The following SLX4IP variants were observed in gnomAD, a reference collection of about 807,000 sequenced individuals.
SLX4IP encodes the protein protein SLX4IP.
In SLX4IP, 34 loss-of-function variants were observed where a neutral mutation model predicts 32.9. That is an observed-to-expected ratio of 1.03 (90% CI 0.79 to 1.38). The LOEUF (loss-of-function observed/expected upper bound fraction) is 1.38, where lower values mean the gene tolerates loss of function less well. Among genes scored for constraint, SLX4IP ranks in the 40% most tolerant of loss-of-function variants. The probability of loss-of-function intolerance (pLI) is 0.00; values close to 1 mark genes in which losing one functional copy is unlikely to be tolerated. For missense variants in SLX4IP, 444 were observed against 479.0 expected (o/e 0.93, Z 0.68); for synonymous variants, 172 against 171.7 (o/e 1.00, Z -0.01).
intron 2 of SLX4IP, among the ~76,000 whole-genome samples, chr20:10,531,832 G>A (rs1271882173): frequency 6.6e-6 from 1 of 152,184 alleles, no homozygotes; most frequent in African/African-American, 2.4e-5. Flanking sequence ...AGAACAGCAG[G>A]TACCAAGCCT....
In SLX4IP at chr20:10,601,788, G is replaced by A. The variant is rs766026223; in HGVS notation, c.374G>A (p.Arg125His). ...TGTGTCAGTCAGCTTGCATTCAGTC[G>A]TGATCTTTTAGCAAGTCAGAATGAA... ...VVCVSQLAFS[R>H]DLLASQNEDL... Residue 125 changes from arginine (R) to histidine (H), a missense_variant, in exon 6 of 8, where the codon CGT (arginine) becomes CAT (histidine). Transcript: ENST00000334534. The A allele has an allele frequency of 3.0e-5, 49 of 1,613,758 alleles. No homozygotes were observed. The highest frequency in any genetic ancestry group is 4.4e-5 in the South Asian group (4 of 91,088).
intron 2 of SLX4IP, among the ~76,000 whole-genome samples, chr20:10,495,833 C>T (rs2065662656): frequency 6.6e-6 from 1 of 151,214 alleles, no homozygotes; most frequent in Non-Finnish European, 1.5e-5. Flanking sequence ...AAAACATTTA[C>T]TTTTCAAGCC....
At chr20:10,581,060 T>C (rs2066581209) in intron 4 of SLX4IP, among the ~76,000 whole-genome samples, 1 of 152,130 alleles carries the variant, frequency 6.6e-6, no homozygotes. Context: ...AAAGCCTTTT[T>C]CCAGAAAAGC....
chr20:10,462,869 G>A (rs1456209562), intron 2 of SLX4IP, among the ~76,000 whole-genome samples: 1 of 152,190 alleles, frequency 6.6e-6, no homozygotes, highest in Admixed American at 6.5e-5. Context: ...AGTTAACTAA[G>A]GAAAGCATAA....
chr20:10,600,570 G>A (rs1274123987), intron 5 of SLX4IP, among the ~76,000 whole-genome samples: 2 of 152,192 alleles, frequency 1.3e-5, no homozygotes, highest in African/African-American at 4.8e-5. Flanking sequence ...ATTTAAGCTA[G>A]TCTAGTAGTG....
At chr20:10,488,400 TC>T (rs2065592474) in intron 2 of SLX4IP, among the ~76,000 whole-genome samples, 1 of 152,104 alleles carries the variant, frequency 6.6e-6, no homozygotes, top group Non-Finnish European at 1.5e-5. Flanking sequence ...GAACAAATTT[TC>T]CCTCATATCC....
chr20:10,474,004 G>A (rs1455603784), intron 2 of SLX4IP, among the ~76,000 whole-genome samples: 1 of 152,072 alleles, frequency 6.6e-6, no homozygotes, highest in African/African-American at 2.4e-5. Flanking sequence ...TGTATTTTTA[G>A]TAGAGATGGG....
chr20:10,469,879 A>G (rs113107919), intron 2 of SLX4IP, among the ~76,000 whole-genome samples: 3 of 152,316 alleles, frequency 2.0e-5, no homozygotes, highest in Admixed American at 6.5e-5. Flanking sequence ...ATGAATGTGT[A>G]TATTTAGATT....
rs375752597 is a variant in SLX4IP at position 10,622,692 on chromosome 20, G to A, written c.540G>A (p.Thr180=). ...VKRTETKSSV[T]SKSQTRRDTV... ...GAACTGAAACAAAAAGCAGTGTCAC[G>A]AGCAAATCGCAGACCAGAAGAGACA... Residue 180 remains threonine (T), a synonymous_variant, in exon 8 of 8, where the codon ACG becomes ACA. Transcript: ENST00000334534. The A allele has an allele frequency of 1.2e-5, 19 of 1,611,970 alleles. No individual in the cohort carries two copies. Among genetic ancestry groups the A allele is most frequent in the Admixed American group, 5.0e-5 (3 of 59,828 alleles).
chr20:10,614,755 T>C (rs2067007332), intron 6 of SLX4IP, among the ~76,000 whole-genome samples: 1 of 152,186 alleles, frequency 6.6e-6, no homozygotes, highest in South Asian at 2.1e-4. Context: ...CTCACCAAGC[T>C]GTATTGAGGG....
At chr20:10,555,196 TAA>T (rs199832360) in intron 2 of SLX4IP, among the ~76,000 whole-genome samples, 1,394 of 137,776 alleles carry the variant, frequency 0.01, 26 homozygotes, top group African/African-American at 0.035. Context: ...GGACAGAATT[TAA>T]AAAAAAAAAA....
chr20:10,439,444 A>T (rs1050107183), intron 1 of SLX4IP, among the ~76,000 whole-genome samples: 1 of 152,160 alleles, frequency 6.6e-6, no homozygotes, highest in Non-Finnish European at 1.5e-5. Context: ...TCCTGGACTC[A>T]GGCAGTCCTC....
intron 2 of SLX4IP, among the ~76,000 whole-genome samples, chr20:10,472,234 C>T (rs1199677852): frequency 7.0e-6 from 1 of 142,412 alleles, no homozygotes; most frequent in African/African-American, 2.6e-5. Flanking sequence ...TAATACTATA[C>T]TTTTTTTTTT....
At chr20:10,448,808 A>G (rs964817509) in intron 1 of SLX4IP, among the ~76,000 whole-genome samples, 5 of 152,244 alleles carry the variant, frequency 3.3e-5, no homozygotes, top group Non-Finnish European at 7.3e-5. Context: ...ATAAATATTC[A>G]ATATATGGTA....
chr20:10,486,919 T>C (rs1355780015), intron 2 of SLX4IP, among the ~76,000 whole-genome samples: 1 of 118,660 alleles, frequency 8.4e-6, no homozygotes, highest in African/African-American at 2.7e-5. Context: ...CATTCAAACT[T>C]GCTCTGTTTT....
chr20:10,621,782 A>G (rs1838210534), intron 7 of SLX4IP, among the ~76,000 whole-genome samples: 2 of 152,232 alleles, frequency 1.3e-5, no homozygotes, highest in Admixed American at 6.5e-5. Flanking sequence ...CCTGGTGTCA[A>G]CAGTAAGAAC....
At chr20:10,592,622 CTTTTTTTTTT>C (rs33995611) in intron 4 of SLX4IP, among the ~76,000 whole-genome samples, 3 of 55,138 alleles carry the variant, frequency 5.4e-5, no homozygotes, top group African/African-American at 8.5e-5. Context: ...TATTCTTCAT[CTTTTTTTTTT>C]TTTTTTTTTT....
At chr20:10,455,457 A>G (rs1275363498) in intron 1 of SLX4IP, among the ~76,000 whole-genome samples, 1 of 152,176 alleles carries the variant, frequency 6.6e-6, no homozygotes, top group Non-Finnish European at 1.5e-5. Flanking sequence ...CAGTTGTTCT[A>G]GAACCATTTG....
chr20:10,613,810 A>G (rs2066995387), intron 6 of SLX4IP: 1 of 1,612,868 alleles, frequency 6.2e-7, no homozygotes, highest in South Asian at 1.1e-5. Context: ...TCACCCTTGA[A>G]GTCCAGATAG....
Sources: gnomAD v4.1 joint callset for allele counts (sites outside exome capture counted in the v4.1 genomes callset) on GRCh38, gnomAD v4.1.1 for gene constraint, MANE v1.5 for transcripts, NCBI Gene and HGNC (gene_info 2026-07-23, HGNC 2026-07-21) for gene names.